The following WBP2 variants were observed in gnomAD, a reference collection of about 807,000 sequenced individuals.
WBP2 encodes WW domain-binding protein 2.
Under a neutral mutation model 33.0 loss-of-function variants are expected in WBP2, and 23 were observed. That is an observed-to-expected ratio of 0.70 (90% confidence interval 0.50 to 0.99). The LOEUF is 0.99. Among genes scored for constraint, WBP2 ranks in the 50% least tolerant of loss-of-function variants. WBP2 has a pLI of 0.00. For missense variants in WBP2, 353 were observed against 358.0 expected, an observed-to-expected ratio of 0.99 and a Z score of 0.11; for synonymous variants, 153 against 133.5, an observed-to-expected ratio of 1.15 and a Z score of -1.01.
intron 5 of WBP2, 68 bp from the exon 6 acceptor site, chr17:75,847,677 G>T: frequency 1.3e-6 from 2 of 1,595,916 alleles, no homozygotes; most frequent in Non-Finnish European, 1.7e-6. Context: ...GGTGAGGGGG[G>T]CCTCTCCAGC....
At position 75,845,806 on chromosome 17, in the gene WBP2, G is replaced by A. The variant is rs1296582552; in HGVS notation, c.*928C>T. 1 of 152,524 alleles carries A rather than the reference G, an allele frequency of 6.6e-6. No homozygotes were observed. Among genetic ancestry groups the A allele is most frequent in the East Asian group, 1.9e-4 (1 of 5,200 alleles). The allele number at this position is 152,524 out of a possible 1,614,324, so 9.4% of individuals were successfully genotyped here. ...AACTGGATTTTTTGTCAAATAAATA[G>A]GGAATTCTCTTTAAATAACCATCTC... is the stretch of plus-strand genomic sequence containing the variant. On this transcript the variant is annotated 3_prime_UTR_variant, in exon 8 of 8. Transcript: ENST00000254806.
intron 1 of WBP2, 67 bp from the exon 2 acceptor site, chr17:75,851,743 G>C: frequency 8.1e-7 from 1 of 1,227,414 alleles, no homozygotes; most frequent in Non-Finnish European, 1.2e-6. Context: ...CCAGACACTG[G>C]GCCTTTCTCC....
intron 3 of WBP2, chr17:75,848,999 G>A (rs1451887912): frequency 1.7e-5 from 6 of 361,838 alleles, no homozygotes; most frequent in Admixed American, 4.1e-5. Context: ...TCAAGCACTC[G>A]GCAGCTTCAC....
chr17:75,848,349 GT>G, intron 4 of WBP2: 1 of 599,842 alleles, frequency 1.7e-6, no homozygotes, highest in Non-Finnish European at 3.0e-6. Flanking sequence ...TTGTCAAAAC[GT>G]CATCCACCTG....
At position 75,855,293 on chromosome 17, in the gene WBP2, G is replaced by T; in HGVS notation, c.5C>A (p.Ala2Glu). 1 of 1,612,216 alleles carries T rather than the reference G, an allele frequency of 6.2e-7. No homozygotes were observed. ...GCCCTCCGAGTGATTCTTGTTGAGCGCCATAGTCTCTCCAACAGGGGTCCC... is the reference window on the plus strand; with the variant it reads ...GCCCTCCGAGTGATTCTTGTTGAGCTCCATAGTCTCTCCAACAGGGGTCCC... M[A>E]LNKNHSEGGG... Residue 2 changes from alanine to glutamate, a missense_variant, in exon 1 of 8, where the codon GCG becomes GAG. By Grantham distance (107) the Ala-to-Glu change is moderately radical. Transcript: ENST00000254806.
intron 2 of WBP2, among the ~76,000 whole-genome samples, chr17:75,850,651 A>G (rs2065022842): frequency 6.6e-6 from 1 of 151,960 alleles, no homozygotes; most frequent in African/African-American, 2.4e-5. Context: ...AGTCATGGAG[A>G]TTAAAACTTG....
chr17:75,849,475 C>G (rs926764300), intron 3 of WBP2, 129 bp downstream of exon 3: 47 of 1,222,184 alleles, frequency 3.8e-5, no homozygotes, highest in Non-Finnish European at 5.1e-5. Context: ...AGCTGGCAGC[C>G]CAGAGCTGGG....
In WBP2 at chr17:75,849,715, C is replaced by A. The variant is rs766470111; in HGVS notation, c.193G>T (p.Asp65Tyr). The change falls in exon 3 of 8, where the codon GAT becomes TAT. Residue 65 changes from aspartate to tyrosine, a missense_variant. Physicochemically the swap from Asp to Tyr is radical, Grantham distance 160. Transcript: ENST00000254806. Reference protein sequence around the residue: ...YRVIFLSKGKDAMQSFMMPFY... With the variant: ...YRVIFLSKGKYAMQSFMMPFY... ...GGCATCATGAAGGACTGCATGGCAT[C>A]CTTGCCCTTGGACAGAAAGATGACC... 1.2e-6 allele frequency: 2 copies of A among 1,614,146 alleles called. No homozygotes were observed. Among genetic ancestry groups the A allele is most frequent in the Non-Finnish European group, 1.7e-6 (2 of 1,180,022 alleles).
chr17:75,855,088 T>G, intron 1 of WBP2, 151 bp downstream of exon 1: 2 of 71,662 alleles, frequency 2.8e-5, no homozygotes, highest in Non-Finnish European at 5.0e-5. Flanking sequence ...CCCACCCACC[T>G]TCCTCCAACC....
rs2065028558 is a variant in WBP2 at position 75,851,681 on chromosome 17, G to C, written c.60-5C>G. Reference sequence around the variant, plus strand: ...TGATCATAGGACATTAGGATGCTGTGATGAGAAAAGAGGAAAAGCCTCAAT... The same window carrying C: ...TGATCATAGGACATTAGGATGCTGTCATGAGAAAAGAGGAAAAGCCTCAAT... On this transcript the variant is annotated splice_polypyrimidine_tract_variant and splice_region_variant and intron_variant, in intron 1 of 7. Coordinates refer to ENST00000254806, the MANE Select transcript of WBP2 (RefSeq NM_012478.4). 1 of 1,608,396 alleles carries C rather than the reference G, an allele frequency of 6.2e-7. No homozygotes were observed. Among genetic ancestry groups the C allele is most frequent in the Non-Finnish European group, 8.5e-7 (1 of 1,175,174 alleles).
chr17:75,848,929 C>T (rs976543027), intron 3 of WBP2: 1 of 523,902 alleles, frequency 1.9e-6, no homozygotes, highest in South Asian at 2.1e-5. Flanking sequence ...TGTCCTCCCA[C>T]CCTTGGCCCA....
Position 75,851,691 on chromosome 17 carries a change from G to A in WBP2, c.60-15C>T. On this transcript the variant is annotated splice_polypyrimidine_tract_variant and intron_variant, in intron 1 of 7. Transcript: ENST00000254806. ...ACATTAGGATGCTGTGATGAGAAAA[G>A]AGGAAAAGCCTCAATGAGACAGTAT... 2 of 1,601,016 alleles carry A rather than the reference G, an allele frequency of 1.2e-6. No individual in the cohort carries two copies. The highest frequency in any genetic ancestry group is 1.7e-6 in the Non-Finnish European group (2 of 1,168,594).
chr17:75,847,018 A>G, intron 6 of WBP2, 34 bp from the exon 7 acceptor site: 1 of 1,613,268 alleles, frequency 6.2e-7, no homozygotes, highest in Non-Finnish European at 8.5e-7. Flanking sequence ...GTCGGTGACA[A>G]GTTCTCCTCC....
At chr17:75,854,881 A>C (rs2065048240) in intron 1 of WBP2, among the ~76,000 whole-genome samples, 1 of 152,178 alleles carries the variant, frequency 6.6e-6, no homozygotes, top group Non-Finnish European at 1.5e-5. Context: ...AGAGCCTGAC[A>C]CGTAGTAACG....
intron 6 of WBP2, chr17:75,847,238 A>G (rs2064998857): frequency 1.4e-6 from 1 of 691,300 alleles, no homozygotes; most frequent in Non-Finnish European, 2.4e-6. Context: ...CTGAGTGTAG[A>G]TGAGAGGATC....
At chr17:75,847,136 C>G in intron 6 of WBP2, 152 bp from the exon 7 acceptor site, 1 of 787,724 alleles carries the variant, frequency 1.3e-6, no homozygotes, top group Non-Finnish European at 2.0e-6. Context: ...GAGCACATGC[C>G]ACGCGCTGGC....
At chr17:75,855,132 A>G in intron 1 of WBP2, 107 bp downstream of exon 1, 1 of 573,884 alleles carries the variant, frequency 1.7e-6, no homozygotes. Context: ...ACCTCACTCC[A>G]TCAGTGCTCC....
intron 3 of WBP2, 168 bp downstream of exon 3, chr17:75,849,436 T>C: frequency 2.6e-6 from 2 of 760,332 alleles, no homozygotes; most frequent in Non-Finnish European, 4.2e-6. Flanking sequence ...GCCAGCATTT[T>C]CCCCACCTCT....
At chr17:75,847,449 C>A in intron 6 of WBP2, 38 bp downstream of exon 6, 1 of 1,575,436 alleles carries the variant, frequency 6.3e-7, no homozygotes, top group East Asian at 2.3e-5. Flanking sequence ...GAGGAGAGGG[C>A]TGGTCCCGAA....
Sources: gnomAD v4.1 joint callset for allele counts (sites outside exome capture counted in the v4.1 genomes callset) on GRCh38, gnomAD v4.1.1 for gene constraint, MANE v1.5 for transcripts, NCBI Gene and HGNC (gene_info 2026-07-23, HGNC 2026-07-21) for gene names.